The following MLLT3 variants were observed in gnomAD, a reference collection of about 807,000 sequenced individuals.
The protein encoded by MLLT3 is protein AF-9.
MLLT3 carries 4 observed loss-of-function variants against 53.2 expected under a neutral mutation model. That is an observed-to-expected ratio of 0.08 (90% CI 0.04 to 0.17). The LOEUF (loss-of-function observed/expected upper bound fraction) is 0.17, where lower values mean the gene tolerates loss of function less well. Among genes scored for constraint, MLLT3 ranks in the 10% least tolerant of loss-of-function variants. The pLI is 1.00. For missense variants in MLLT3, 569 were observed against 684.0 expected (o/e 0.83, Z 1.87); for synonymous variants, 283 against 230.6 (o/e 1.23, Z -2.06).
At chr9:20,456,426 A>G (rs971490127) in intron 3 of MLLT3, among the ~76,000 whole-genome samples, 1 of 152,186 alleles carries the variant, frequency 6.6e-6, no homozygotes, top group Non-Finnish European at 1.5e-5. Context: ...TCTATTTTAC[A>G]AACATATTTA....
At chr9:20,495,379 A>G (rs1825057049) in intron 2 of MLLT3, among the ~76,000 whole-genome samples, 1 of 152,188 alleles carries the variant, frequency 6.6e-6, no homozygotes, top group Non-Finnish European at 1.5e-5. Context: ...TCTGCACATT[A>G]AAGTTTGAGA....
chr9:20,351,612 T>C (rs1821032012), intron 10 of MLLT3, among the ~76,000 whole-genome samples: 1 of 152,206 alleles, frequency 6.6e-6, no homozygotes, highest in Non-Finnish European at 1.5e-5. Flanking sequence ...ATTAACCGCT[T>C]TTTGTGAGCC....
At chr9:20,536,821 G>A (rs550784008) in intron 2 of MLLT3, among the ~76,000 whole-genome samples, 31 of 150,822 alleles carry the variant, frequency 2.1e-4, no homozygotes, top group South Asian at 1.5e-3. Flanking sequence ...AGTATGGGAC[G>A]ACTCCTGCAG....
intron 2 of MLLT3, among the ~76,000 whole-genome samples, chr9:20,579,439 AC>A (rs1317900073): frequency 6.6e-6 from 1 of 152,058 alleles, no homozygotes; most frequent in Non-Finnish European, 1.5e-5. Flanking sequence ...AAAGAACAAA[AC>A]AACTTGGTAT....
At chr9:20,400,684 T>A (rs1586920616) in intron 5 of MLLT3, among the ~76,000 whole-genome samples, 1 of 152,116 alleles carries the variant, frequency 6.6e-6, no homozygotes, top group African/African-American at 2.4e-5. Flanking sequence ...GGGTTTACTA[T>A]TTTGTGTATT....
intron 5 of MLLT3, among the ~76,000 whole-genome samples, chr9:20,400,495 A>G (rs1225362146): frequency 6.6e-6 from 1 of 152,148 alleles, no homozygotes; most frequent in Non-Finnish European, 1.5e-5. Flanking sequence ...CATGGTATTT[A>G]GTTCTGTTTT....
chr9:20,432,618 A>G (rs895382755), intron 4 of MLLT3, among the ~76,000 whole-genome samples: 1 of 151,744 alleles, frequency 6.6e-6, no homozygotes, highest in African/African-American at 2.4e-5. Flanking sequence ...CTGTCCTAAT[A>G]TAGAAAAAGA....
rs566109024 is a variant in MLLT3, at chr9:20,425,438, G to A, written c.421-11013C>T. On this transcript the variant is annotated intron_variant, in intron 4 of 10. Coordinates refer to ENST00000380338, the MANE Select transcript of MLLT3 (RefSeq NM_004529.4). ...ACACTTCGCTATTTTTTTCAGCCAT[G>A]TAAATATCTTCGACTTCACAAATGT... Among the ~76,000 whole-genome samples the A allele has an allele frequency of 2.0e-5, 3 of 152,162 alleles. No individual in the cohort carries two copies. The East Asian group carries it at 5.8e-4, about 29-fold the overall frequency.
At chr9:20,355,402 C>T (rs1479784903) in intron 8 of MLLT3, among the ~76,000 whole-genome samples, 3 of 152,086 alleles carry the variant, frequency 2.0e-5, no homozygotes, top group Non-Finnish European at 4.4e-5. Context: ...TGAAGATGGC[C>T]GACTATCTTC....
chr9:20,600,219 C>T (rs1021052256), intron 2 of MLLT3, among the ~76,000 whole-genome samples: 12 of 151,636 alleles, frequency 7.9e-5, no homozygotes, highest in Admixed American at 3.9e-4. Context: ...TCCACAGCTT[C>T]ATTTTTCATA....
chr9:20,342,704 C>T lies in MLLT3; in HGVS notation c.*3739G>A, dbSNP rs1222022649. ...AAAAGAGGTCAAAAGATGTAGACTT[C>T]CAGCCCGAGACTAAACTAAACCATG... On this transcript the variant is annotated 3_prime_UTR_variant, in exon 11 of 11. Transcript: ENST00000380338. 6 of 209,972 alleles carry T rather than the reference C, an allele frequency of 2.9e-5. No individual in the cohort carries two copies. Among genetic ancestry groups the T allele is most frequent in the Non-Finnish European group, 4.8e-5 (5 of 103,664 alleles). The allele number at this position is 209,972 out of a possible 1,614,324, so 13.0% of individuals were successfully genotyped here. A position where few individuals can be genotyped will look rare whatever the true frequency, so the allele number is the denominator to read the frequency against.
At chr9:20,618,919 A>G (rs1372325724) in intron 2 of MLLT3, among the ~76,000 whole-genome samples, 8 of 152,144 alleles carry the variant, frequency 5.3e-5, no homozygotes, top group Non-Finnish European at 1.2e-4. Flanking sequence ...TCTTCTGCCA[A>G]CTGAGTTAAT....
rs1209739705 is a variant in MLLT3, at chr9:20,621,945, G to A, written c.12+300C>T. 7.2e-7 allele frequency: 1 copy of A among 1,392,850 alleles called. No homozygotes were observed. The highest frequency in any genetic ancestry group is 9.3e-7 in the Non-Finnish European group (1 of 1,079,662). 86.3% of individuals were successfully genotyped at this position (1,392,850 alleles called of 1,614,324 possible). On this transcript the variant is annotated intron_variant, in intron 1 of 10. Transcript: ENST00000380338. The surrounding 1 kb of genome is among the most constrained non-coding windows in gnomAD (Gnocchi z 7.0). ...TGAGTGCGCGCGTGTGAGCGAGAGGGAGTGTGTGAGTGCGCTTCTTGTGAC... is the reference window on the plus strand; with the variant it reads ...TGAGTGCGCGCGTGTGAGCGAGAGGAAGTGTGTGAGTGCGCTTCTTGTGAC...
chr9:20,527,363 T>C (rs547899055), intron 2 of MLLT3, among the ~76,000 whole-genome samples: 1 of 152,332 alleles, frequency 6.6e-6, no homozygotes, highest in African/African-American at 2.4e-5. Context: ...GGTCAAATCT[T>C]TCCTAAGGTT....
chr9:20,464,024 T>C (rs765758870), intron 2 of MLLT3, among the ~76,000 whole-genome samples: 40 of 152,010 alleles, frequency 2.6e-4, no homozygotes, highest in Admixed American at 9.8e-4. Flanking sequence ...TAAAAAACCA[T>C]TGAAGAGTAT....
intron 2 of MLLT3, among the ~76,000 whole-genome samples, chr9:20,469,136 T>G (rs1012718847): frequency 1.3e-5 from 2 of 152,192 alleles, no homozygotes; most frequent in African/African-American, 4.8e-5. Context: ...GGGAGTCACC[T>G]TAAATGTGTC....
At chr9:20,582,355 A>G (rs1819815410) in intron 2 of MLLT3, among the ~76,000 whole-genome samples, 1 of 152,152 alleles carries the variant, frequency 6.6e-6, no homozygotes, top group African/African-American at 2.4e-5. Context: ...AAGTAGTTTC[A>G]CTGCCCTAAA....
intron 4 of MLLT3, among the ~76,000 whole-genome samples, chr9:20,429,059 T>A (rs2118810257): frequency 1.3e-5 from 2 of 152,272 alleles, no homozygotes; most frequent in Middle Eastern, 3.4e-3. Flanking sequence ...TTAAAGAAAC[T>A]CTTCTAAAGA....
intron 4 of MLLT3, among the ~76,000 whole-genome samples, chr9:20,439,606 T>C (rs1369525732): frequency 1.3e-5 from 2 of 152,060 alleles, no homozygotes; most frequent in African/African-American, 4.8e-5. Flanking sequence ...AGTGGGGGGA[T>C]GGCGGAGAAA....
Sources: allele counts gnomAD v4.1 joint callset (sites outside exome capture counted in the v4.1 genomes callset), GRCh38; gene constraint gnomAD v4.1.1; non-coding constraint Gnocchi (gnomAD v3.1); transcripts MANE v1.5; gene names NCBI Gene and HGNC (gene_info 2026-07-23, HGNC 2026-07-21).